TEX36: variants seen among roughly 807,000 people sequenced by gnomAD.
TEX36 encodes the protein testis-expressed protein 36.
Under a neutral mutation model 13.6 loss-of-function variants are expected in TEX36, and 12 were observed. That is an observed-to-expected ratio of 0.88 (90% CI 0.56 to 1.43). The LOEUF (loss-of-function observed/expected upper bound fraction) is 1.43. Ranked by LOEUF, TEX36 falls within the 40% of genes most tolerant of loss-of-function variation. The pLI is 0.00. For synonymous variants in TEX36, 93 were observed against 83.0 expected (o/e 1.12, Z -0.65); for missense variants, 224 against 228.3 (o/e 0.98, Z 0.12).
intron 3 of TEX36, among the ~76,000 whole-genome samples, chr10:125,625,461 G>C (rs11244585): frequency 6.6e-6 from 1 of 152,168 alleles, no homozygotes; most frequent in Non-Finnish European, 1.5e-5. Flanking sequence ...TGATGTTCTG[G>C]ATCAGTTCAT....
intron 3 of TEX36, among the ~76,000 whole-genome samples, chr10:125,622,276 C>T (rs1260108992): frequency 1.3e-5 from 2 of 152,082 alleles, no homozygotes; most frequent in Non-Finnish European, 2.9e-5. Context: ...CGCTTAAATG[C>T]TGATATGAAG....
chr10:125,666,666 C>A (rs552299478), intron 1 of TEX36, among the ~76,000 whole-genome samples: 8 of 152,070 alleles, frequency 5.3e-5, no homozygotes, highest in Admixed American at 3.3e-4. Flanking sequence ...CTCTCCCCGC[C>A]CCCCCTCCTC....
chr10:125,618,942 T>TA (rs11452140), downstream of TEX36, among the ~76,000 whole-genome samples: 6,551 of 43,352 alleles, frequency 0.15, 1,296 homozygotes, highest in Non-Finnish European at 0.21. Context: ...CCGTCTCTAC[T>TA]AAAAAAAAAA....
chr10:125,674,802 C>T (rs1031924210), intron 1 of TEX36, among the ~76,000 whole-genome samples: 1 of 152,236 alleles, frequency 6.6e-6, no homozygotes, highest in Admixed American at 6.5e-5. Flanking sequence ...CCTGCTCCTT[C>T]ATTTGGGATC....
downstream of TEX36, among the ~76,000 whole-genome samples, chr10:125,619,630 A>C (rs2133558703): frequency 6.6e-6 from 1 of 152,204 alleles, no homozygotes; most frequent in East Asian, 1.9e-4. Context: ...GGCTCGCTGC[A>C]ACCTCCGCCT....
At chr10:125,628,903 G>C (rs1846519756) in intron 3 of TEX36, among the ~76,000 whole-genome samples, 1 of 152,084 alleles carries the variant, frequency 6.6e-6, no homozygotes, top group Non-Finnish European at 1.5e-5. Context: ...GCATGTGCCG[G>C]GCATGGAGTT....
At chr10:125,645,266 C>T (rs1282589589) in intron 3 of TEX36, among the ~76,000 whole-genome samples, 1 of 152,172 alleles carries the variant, frequency 6.6e-6, no homozygotes, top group South Asian at 2.1e-4. Context: ...CACTTAATCT[C>T]CAATGTGACA....
intron 3 of TEX36, among the ~76,000 whole-genome samples, chr10:125,599,308 G>T (rs964806713): frequency 6.6e-6 from 1 of 152,150 alleles, no homozygotes; most frequent in Non-Finnish European, 1.5e-5. Flanking sequence ...CATGTCCTGG[G>T]CTCTTGGAAC....
intron 1 of TEX36, among the ~76,000 whole-genome samples, chr10:125,663,776 G>C (rs1293527647): frequency 6.6e-6 from 1 of 151,918 alleles, no homozygotes; most frequent in Non-Finnish European, 1.5e-5. Flanking sequence ...TTTTGATACA[G>C]GCATACAGTG....
intron 3 of TEX36, among the ~76,000 whole-genome samples, chr10:125,632,819 T>C (rs896221487): frequency 3.3e-5 from 5 of 152,130 alleles, no homozygotes; most frequent in African/African-American, 1.2e-4. Context: ...GCCATTTTCT[T>C]ACCAAAGATC....
chr10:125,675,199 T>C (rs948239379), intron 1 of TEX36, among the ~76,000 whole-genome samples: 1 of 152,164 alleles, frequency 6.6e-6, no homozygotes, highest in African/African-American at 2.4e-5. Flanking sequence ...CTGGCCACGA[T>C]CTGCCACAGC....
At position 125,624,206 on chromosome 10, in the gene TEX36, ATCT is replaced by A. The variant is rs371128103; in HGVS notation, c.265-2564_265-2562del. ...CACATTCTGGCTGTTGAATCTCTTGATCTTCTCCCAAGACCTCCCTGCCATTCA... is the reference window on the plus strand; with the variant it reads ...CACATTCTGGCTGTTGAATCTCTTGATCTCCCAAGACCTCCCTGCCATTCA... On this transcript the variant is annotated intron_variant, in intron 3 of 3. Transcript: ENST00000526819. Among the ~76,000 whole-genome samples, 682 of 152,268 alleles carry A rather than the reference ATCT, an allele frequency of 4.5e-3. 2 individuals are homozygous for A. The highest frequency in any genetic ancestry group is 0.014 in the African/African-American group (567 of 41,558).
chr10:125,596,099 C>T (rs1846079477), intron 3 of TEX36, among the ~76,000 whole-genome samples: 1 of 152,168 alleles, frequency 6.6e-6, no homozygotes, highest in Non-Finnish European at 1.5e-5. Flanking sequence ...CTCAGGAATG[C>T]AAGGATGGTT....
chr10:125,640,438 A>T (rs2133574779), intron 3 of TEX36, among the ~76,000 whole-genome samples: 1 of 152,196 alleles, frequency 6.6e-6, no homozygotes, highest in East Asian at 1.9e-4. Context: ...AATTTTATTC[A>T]TTCCATTTAT....
intron 3 of TEX36, among the ~76,000 whole-genome samples, chr10:125,615,896 G>A (rs914336606): frequency 1.2e-4 from 18 of 152,190 alleles, no homozygotes; most frequent in Admixed American, 2.6e-4. Context: ...GAATTCGGCT[G>A]TGAATCCATC....
chr10:125,597,013 C>T (rs1371105094), intron 3 of TEX36, among the ~76,000 whole-genome samples: 1 of 152,212 alleles, frequency 6.6e-6, no homozygotes, highest in Non-Finnish European at 1.5e-5. Context: ...TGCAACATTG[C>T]TAGAACAGCT....
At chr10:125,624,632 A>G (rs1846465168) in intron 3 of TEX36, among the ~76,000 whole-genome samples, 1 of 151,048 alleles carries the variant, frequency 6.6e-6, no homozygotes, top group African/African-American at 2.4e-5. Flanking sequence ...GTGGGGAATG[A>G]CCCTTCCTCA....
rs372343584 is a variant in TEX36, at chr10:125,580,219, T to G, written c.265-3345A>C. Among the ~76,000 whole-genome samples the G allele has an allele frequency of 4.6e-5, 7 of 152,326 alleles. No homozygotes were observed. In the East Asian group the frequency reaches 1.3e-3, roughly 29 times the overall value. Reference sequence around the variant, plus strand: ...TGTCTTTAAACCATGAAAGGATCCCTTTAACACTCATTAAAGTCAGGCAAG... The same window carrying G: ...TGTCTTTAAACCATGAAAGGATCCCGTTAACACTCATTAAAGTCAGGCAAG... On this transcript the variant is annotated intron_variant, in intron 3 of 3. Coordinates refer to the TEX36 transcript ENST00000532135.
intron 3 of TEX36, among the ~76,000 whole-genome samples, chr10:125,581,060 T>C (rs1845875587): frequency 6.6e-6 from 1 of 152,208 alleles, no homozygotes. Flanking sequence ...GCCCACTCCA[T>C]AGCCCCGGCC....
Sources: allele counts gnomAD v4.1 joint callset (sites outside exome capture counted in the v4.1 genomes callset), GRCh38; gene constraint gnomAD v4.1.1; transcripts MANE v1.5; gene names NCBI Gene and HGNC (gene_info 2026-07-23, HGNC 2026-07-21).